Variants in UBE2J1 observed in about 807,000 individuals in gnomAD.
UBE2J1 encodes the protein ubiquitin-conjugating enzyme E2 J1.
A neutral mutation model predicts 42.1 loss-of-function variants in UBE2J1; 17 were observed. The observed-to-expected ratio is 0.40, with a 90% confidence interval of 0.28 to 0.61. UBE2J1 has a LOEUF of 0.61. UBE2J1 is among the 20% of genes least tolerant of loss of function. The probability of loss-of-function intolerance (pLI) is 0.38; values close to 1 mark genes in which losing one functional copy is unlikely to be tolerated. For synonymous variants in UBE2J1, 127 were observed against 137.2 expected (o/e 0.93, Z 0.52); for missense variants, 291 against 389.4 (o/e 0.75, Z 2.13).
intron 5 of UBE2J1, among the ~76,000 whole-genome samples, chr6:89,336,925 C>T (rs1222416545): frequency 2.0e-5 from 3 of 151,918 alleles, no homozygotes; most frequent in Non-Finnish European, 4.4e-5. Context: ...ACTGCAGTCT[C>T]AACCTCCCCA....
Position 89,327,994 on chromosome 6 carries a change from A to G in UBE2J1, c.*1685T>C, listed in dbSNP as rs1173026469. ...TGGTAACCTATGATTTTCCTCATAT[A>G]ATGAGATCTTCATAAAGTCCTTGAG... On this transcript the variant is annotated 3_prime_UTR_variant, in exon 8 of 8. Transcript: ENST00000435041. The G allele has an allele frequency of 6.6e-6, 1 of 152,236 alleles. No homozygotes were observed. Among genetic ancestry groups the G allele is most frequent in the Admixed American group, 6.5e-5 (1 of 15,282 alleles). 9.4% of individuals were successfully genotyped at this position (152,236 alleles called of 1,614,324 possible).
At chr6:89,329,993 AAAG>A (rs770653690) in intron 7 of UBE2J1, 36 bp from the exon 8 acceptor site, 1 of 1,599,644 alleles carries the variant, frequency 6.3e-7, no homozygotes, top group East Asian at 2.2e-5. Flanking sequence ...TGAAACTGGC[AAAG>A]AAGATTTGTA....
chr6:89,346,782 G>A (rs540112048), intron 1 of UBE2J1, among the ~76,000 whole-genome samples: 1 of 152,286 alleles, frequency 6.6e-6, no homozygotes, highest in South Asian at 2.1e-4. Context: ...TAGAGACCAG[G>A]TTGAGTCTCC....
In UBE2J1 at chr6:89,338,215, G is replaced by A; in HGVS notation, c.418C>T (p.Leu140Phe). The stretch of plus-strand genomic sequence containing the variant: ...AAATGCAAAACTTACTTTTTGGCAA[G>A]TGCTCTTCTTTCCTCAGGAGTGTAA... ...LDYTPEERRA[L>F]AKKSQDFCCE... The change falls in exon 5 of 8, where the codon CTT becomes TTT. Residue 140 changes from leucine (L) to phenylalanine (F), a missense_variant. Physicochemically the swap from Leu to Phe is conservative, Grantham distance 22. This residue lies in a region of UBE2J1 where 115 missense variants were observed against 193.1 expected (regional missense o/e 0.60). Coordinates refer to ENST00000435041, the MANE Select transcript of UBE2J1 (RefSeq NM_016021.3). 6.2e-7 allele frequency: 1 copy of A among 1,611,150 alleles called. No individual in the cohort carries two copies. The highest frequency in any genetic ancestry group is 8.5e-7 in the Non-Finnish European group (1 of 1,178,892).
At chr6:89,346,126 C>T (rs1768361033) in intron 1 of UBE2J1, among the ~76,000 whole-genome samples, 1 of 152,012 alleles carries the variant, frequency 6.6e-6, no homozygotes, top group Admixed American at 6.5e-5. Flanking sequence ...ATCCTCCTAC[C>T]TCAGCCTTCC....
Position 89,330,835 on chromosome 6 carries a change from G to GAT in UBE2J1, c.679-880_679-879dup, listed in dbSNP as rs1483172317. Among the ~76,000 whole-genome samples, 14 of 152,140 alleles carry GAT rather than the reference G, an allele frequency of 9.2e-5. No individual in the cohort carries two copies. The South Asian group carries it at 2.3e-3, about 25-fold the overall frequency. On this transcript the variant is annotated intron_variant, in intron 7 of 7. Transcript: ENST00000435041. ...TCACATTCTTAGTTAAGTCCCTAGT[G>GAT]ATATATATATAAATTTTTCTAGAAT...
chr6:89,343,843 G>T, intron 1 of UBE2J1, 87 bp from the exon 2 acceptor site: 1 of 1,016,358 alleles, frequency 9.8e-7, no homozygotes, highest in Non-Finnish European at 1.4e-6. Context: ...GAAAAAATGT[G>T]TAGAGAACTA....
Position 89,329,830 on chromosome 6 carries a change from G to A in UBE2J1, c.806C>T (p.Pro269Leu), listed in dbSNP as rs1767972833. ...TGGCTGGTGGCCCTGGATTACATCT[G>A]GTGAAGTAGACAACCTTCTCTGACT... ...QQSQRRLSTSPDVIQGHQPRD... is the reference protein window; with the variant it reads ...QQSQRRLSTSLDVIQGHQPRD... The change falls in exon 8 of 8, where the codon CCA becomes CTA. Residue 269 changes from proline to leucine, a missense_variant. Pro to Leu is a moderately conservative substitution (Grantham distance 98). Around this residue, in one of 2 missense-constraint regions of UBE2J1, gnomAD observed 176 missense variants for 196.3 expected, o/e 0.90. Coordinates refer to ENST00000435041, the MANE Select transcript of UBE2J1 (RefSeq NM_016021.3). 1 of 1,613,952 alleles carries A rather than the reference G, an allele frequency of 6.2e-7. No individual in the cohort carries two copies. The highest frequency in any genetic ancestry group is 8.5e-7 in the Non-Finnish European group (1 of 1,179,994).
In UBE2J1 at chr6:89,329,714, G is replaced by C. The variant is rs1184071899; in HGVS notation, c.922C>G (p.Leu308Val). The C allele has an allele frequency of 1.2e-6, 2 of 1,614,132 alleles. No individual in the cohort carries two copies. Among genetic ancestry groups the C allele is most frequent in the South Asian group, 1.1e-5 (1 of 91,088 alleles). ...LAALIFRRIYLANEYIFDFEL is the reference protein window; with the variant it reads ...LAALIFRRIYVANEYIFDFEL ...AAGTCAAATATGTATTCGTTTGCCA[G>C]ATATATTCGTCGGAATATAAGAGCT... is the stretch of plus-strand genomic sequence containing the variant. Residue 308 changes from leucine to valine, a missense_variant, in exon 8 of 8, where the codon CTG (leucine) becomes GTG (valine). Around this residue, in one of 2 missense-constraint regions of UBE2J1, gnomAD observed 176 missense variants for 196.3 expected, o/e 0.90. Transcript: ENST00000435041.
At chr6:89,344,097 T>C (rs1044946059) in intron 1 of UBE2J1, among the ~76,000 whole-genome samples, 2 of 152,290 alleles carry the variant, frequency 1.3e-5, no homozygotes, top group East Asian at 1.9e-4. Context: ...TAGATAGGTA[T>C]TATTTTTATC....
intron 1 of UBE2J1, among the ~76,000 whole-genome samples, chr6:89,347,582 A>C (rs938469305): frequency 2.0e-5 from 3 of 152,252 alleles, no homozygotes; most frequent in African/African-American, 7.2e-5. Flanking sequence ...TCATTGGTTC[A>C]ACAGCTAAAT....
intron 1 of UBE2J1, among the ~76,000 whole-genome samples, chr6:89,345,726 A>G (rs9362639): frequency 0.63 from 96,085 of 151,730 alleles, 32,224 homozygotes; most frequent in African/African-American, 0.86. Flanking sequence ...TGACCAGCAT[A>G]GTGAAACCCC....
intron 6 of UBE2J1, among the ~76,000 whole-genome samples, chr6:89,334,947 TTAATA>T (rs1251646018): frequency 6.6e-6 from 1 of 152,202 alleles, no homozygotes; most frequent in Non-Finnish European, 1.5e-5. Context: ...AAGTGGTTAA[TTAATA>T]TGTCTGACAT....
At chr6:89,340,114 A>G (rs1489335512) in intron 3 of UBE2J1, among the ~76,000 whole-genome samples, 1 of 152,162 alleles carries the variant, frequency 6.6e-6, no homozygotes, top group Non-Finnish European at 1.5e-5. Context: ...TAGTGAGGAA[A>G]GACATGGGGA....
At chr6:89,337,005 A>G (rs1224074566) in intron 5 of UBE2J1, among the ~76,000 whole-genome samples, 2 of 151,786 alleles carry the variant, frequency 1.3e-5, no homozygotes, top group Admixed American at 1.3e-4. Flanking sequence ...ACGCCCAGCT[A>G]ATTTTTGTAT....
In UBE2J1 at chr6:89,329,767, A is replaced by C; in HGVS notation, c.869T>G (p.Leu290Arg). Residue 290 changes from leucine to arginine, a missense_variant, in exon 8 of 8, where the codon CTG becomes CGG. Around this residue, in one of 2 missense-constraint regions of UBE2J1, gnomAD observed 176 missense variants for 196.3 expected, o/e 0.90. Transcript: ENST00000435041. ...NHTDHGGSAV[L>R]IVILTLALAA... is the part of the protein sequence containing the mutation. ...CAATGCCAAAGTCAGGATGACAATCAGTACAGCTGACCCACCATGATCAGT... is the reference window on the plus strand; with the variant it reads ...CAATGCCAAAGTCAGGATGACAATCCGTACAGCTGACCCACCATGATCAGT... The C allele has an allele frequency of 6.2e-7, 1 of 1,614,160 alleles. No individual in the cohort carries two copies. The highest frequency in any genetic ancestry group is 8.5e-7 in the Non-Finnish European group (1 of 1,179,982).
intron 7 of UBE2J1, among the ~76,000 whole-genome samples, chr6:89,330,665 G>T (rs1018209496): frequency 1.3e-5 from 2 of 151,972 alleles, no homozygotes; most frequent in Admixed American, 6.6e-5. Flanking sequence ...GTGTGGTCAT[G>T]CCCACCTGTG....
intron 1 of UBE2J1, among the ~76,000 whole-genome samples, chr6:89,347,161 C>T (rs1041107885): frequency 1.3e-5 from 2 of 152,188 alleles, no homozygotes; most frequent in Admixed American, 1.3e-4. Flanking sequence ...GAAGGGCCTG[C>T]GGACTATCTA....
chr6:89,333,096 G>A lies in UBE2J1; in HGVS notation c.668C>T (p.Ala223Val). ...DIPTTFQGAT[A>V]STSYGLQNSS... ...AGATAAGAGCCATACCGATGTACTG[G>A]CCGTAGCACCCTGGAATGTTGTAGG... is the stretch of plus-strand genomic sequence containing the variant. Residue 223 changes from alanine to valine, a missense_variant, in exon 7 of 8, where the codon GCC becomes GTC. By Grantham distance (64) the Ala-to-Val change is moderately conservative. Coordinates refer to ENST00000435041, the MANE Select transcript of UBE2J1 (RefSeq NM_016021.3). 6.2e-7 allele frequency: 1 copy of A among 1,610,240 alleles called. No individual in the cohort carries two copies. The highest frequency in any genetic ancestry group is 8.5e-7 in the Non-Finnish European group (1 of 1,178,264).
Sources: allele counts gnomAD v4.1 joint callset (sites outside exome capture counted in the v4.1 genomes callset), GRCh38; gene constraint gnomAD v4.1.1; regional missense constraint gnomAD v4.1.1; transcripts MANE v1.5; gene names NCBI Gene and HGNC (gene_info 2026-07-23, HGNC 2026-07-21).